The following TNS1 variants were observed in gnomAD, a reference collection of about 807,000 sequenced individuals.
TNS1 encodes the protein tensin 1.
Under a neutral mutation model 168.6 loss-of-function variants are expected in TNS1, and 62 were observed. The ratio of observed to expected loss-of-function variants is 0.37; its 90% CI spans 0.30 to 0.45. The LOEUF (loss-of-function observed/expected upper bound fraction) is 0.45, where lower values mean the gene tolerates loss of function less well. Ranked by LOEUF, TNS1 falls within the 20% of genes least tolerant of loss-of-function variation. The pLI, the probability that TNS1 is intolerant of heterozygous loss-of-function variation, is 1.00. For synonymous variants in TNS1, 934 were observed against 933.2 expected, an observed-to-expected ratio of 1.00 and a Z score of -0.02; for missense variants, 2,240 against 2,339.4, an observed-to-expected ratio of 0.96 and a Z score of 0.88.
Position 217,804,310 on chromosome 2 carries a change from T to G in TNS1, c.*149A>C. 1 of 693,814 alleles carries G rather than the reference T, an allele frequency of 1.4e-6. No homozygotes were observed. Among genetic ancestry groups the G allele is most frequent in the East Asian group, 2.8e-5 (1 of 35,214 alleles). The allele number at this position is 693,814 out of a possible 1,614,324, so 43.0% of individuals were successfully genotyped here. On this transcript the variant is annotated 3_prime_UTR_variant, in exon 33 of 33. Coordinates refer to ENST00000682258, the MANE Select transcript of TNS1 (RefSeq NM_001387777.1). The stretch of plus-strand genomic sequence containing the variant: ...TCTCTTTTCCCCCTCCCCTCTGCAA[T>G]TCACTTCCCTCTCCCCACGTTGCAC...
intron 19 of TNS1, among the ~76,000 whole-genome samples, chr2:217,840,767 G>A (rs948399484): frequency 1.3e-5 from 2 of 152,226 alleles, no homozygotes; most frequent in African/African-American, 4.8e-5. Flanking sequence ...TGGCCGGAGT[G>A]CTGGACTGTC....
At chr2:218,008,355 A>G (rs1451933672) in intron 1 of TNS1, among the ~76,000 whole-genome samples, 1 of 152,170 alleles carries the variant, frequency 6.6e-6, no homozygotes, top group Non-Finnish European at 1.5e-5. Flanking sequence ...GGAAAAGGAG[A>G]GTGGAGTGAA....
intron 16 of TNS1, 22 bp downstream of exon 16, chr2:217,885,013 C>T (rs747446533): frequency 6.2e-7 from 1 of 1,613,916 alleles, no homozygotes; most frequent in Admixed American, 1.7e-5. Context: ...TGCCCACCCC[C>T]AGCTCCACTC....
At position 217,930,346 on chromosome 2, in the gene TNS1, A is replaced by G. The variant is rs201931016; in HGVS notation, c.187-10110T>C. ...ACCACCTTTCCCAGTCGGGGGTCAC[A>G]GAAAGTTTCATGGAGAACATGGCCT... On this transcript the variant is annotated intron_variant, in intron 3 of 32. Transcript: ENST00000682258. 1.4e-4 allele frequency among the ~76,000 whole-genome samples: 22 copies of G among 152,364 alleles called. No individual in the cohort carries two copies. In the East Asian group the frequency reaches 3.1e-3, roughly 21 times the overall value.
At chr2:218,000,389 G>T (rs1399953911) in intron 1 of TNS1, among the ~76,000 whole-genome samples, 1 of 152,148 alleles carries the variant, frequency 6.6e-6, no homozygotes, top group Non-Finnish European at 1.5e-5. Context: ...CAGGAGTAGA[G>T]CCCAAGGAGT....
chr2:217,839,173 C>T (rs1351165838), intron 19 of TNS1, among the ~76,000 whole-genome samples: 5 of 152,266 alleles, frequency 3.3e-5, no homozygotes, highest in Non-Finnish European at 5.9e-5. Context: ...TAGGGCCAGC[C>T]CCTACCCCAG....
At position 217,917,829 on chromosome 2, in the gene TNS1, C is replaced by CAAAAAAAAAAAAAAA. The variant is rs79888115; in HGVS notation, c.228+2351_228+2365dup. On this transcript the variant is annotated intron_variant, in intron 4 of 32. Coordinates refer to ENST00000682258, the MANE Select transcript of TNS1 (RefSeq NM_001387777.1). ...CTGGGCAACACAGTGAGACTGTTCT[C>CAAAAAAAAAAAAAAA]AAAAAAAAAAAAAAAAAAAGACTTG... Among the ~76,000 whole-genome samples the CAAAAAAAAAAAAAAA allele has an allele frequency of 4.3e-4, 33 of 75,958 alleles. 1 individual carries two copies. The highest frequency in any genetic ancestry group is 9.0e-4 in the African/African-American group (20 of 22,250). The allele number at this position is 75,958 out of a possible 152,430, so 49.8% of individuals were successfully genotyped here.
intron 21 of TNS1, 132 bp downstream of exon 21, chr2:217,834,959 G>T: frequency 3.0e-6 from 2 of 663,768 alleles, no homozygotes; most frequent in Non-Finnish European, 2.5e-6. Context: ...TGGGAGTGAG[G>T]AGCAGCACGT....
At chr2:217,879,474 C>T (rs1950494741) in intron 18 of TNS1, 2 of 452,606 alleles carry the variant, frequency 4.4e-6, no homozygotes, top group Non-Finnish European at 8.9e-6. Context: ...TCGGAGGGGC[C>T]TGGTGGGGTG....
chr2:217,813,962 G>T lies in TNS1; in HGVS notation c.4730-146C>A. On this transcript the variant is annotated intron_variant, in intron 25 of 32. Coordinates refer to ENST00000682258, the MANE Select transcript of TNS1 (RefSeq NM_001387777.1). This position sits in a 1 kb window ranked among gnomAD's most constrained non-coding sequence, Gnocchi z 4.0. ...AGTTAAAATTTAACTACTCCTACGG[G>T]TCTTCCTGTACTCAGGTTGGCAAAC... 3.0e-6 allele frequency: 3 copies of T among 993,878 alleles called. No homozygotes were observed. Among genetic ancestry groups the T allele is most frequent in the South Asian group, 2.1e-5 (1 of 47,420 alleles). 61.6% of individuals were successfully genotyped at this position (993,878 alleles called of 1,614,324 possible).
chr2:217,812,192 AT>A (rs1182891263), intron 28 of TNS1, among the ~76,000 whole-genome samples, 175 bp downstream of exon 28: 10 of 152,180 alleles, frequency 6.6e-5, no homozygotes, highest in African/African-American at 2.4e-4. Flanking sequence ...TTTTTCATAA[AT>A]TTTTTCTTCT....
intron 4 of TNS1, 106 bp downstream of exon 4, chr2:217,920,089 C>T: frequency 1.4e-6 from 1 of 697,324 alleles, no homozygotes; most frequent in Non-Finnish European, 2.6e-6. Context: ...ACCTAATTGT[C>T]CGACACCCCA....
chr2:217,886,200 A>C, intron 13 of TNS1, 96 bp from the exon 14 acceptor site: 1 of 1,335,060 alleles, frequency 7.5e-7, no homozygotes, highest in Non-Finnish European at 1.1e-6. Flanking sequence ...AAAGGAAGGA[A>C]GAAATGGGGG....
At chr2:217,899,727 C>G (rs549520572) in intron 7 of TNS1, among the ~76,000 whole-genome samples, 1 of 152,310 alleles carries the variant, frequency 6.6e-6, no homozygotes, top group African/African-American at 2.4e-5. Flanking sequence ...AACAGTGCCA[C>G]CAGCCGGACA....
chr2:217,983,339 G>A (rs991217051), intron 2 of TNS1, among the ~76,000 whole-genome samples: 2 of 152,136 alleles, frequency 1.3e-5, no homozygotes, highest in African/African-American at 2.4e-5. Context: ...ACCCACGTAT[G>A]CACCCTCCTG....
At chr2:217,877,145 G>GCT (rs1950271187) in intron 18 of TNS1, among the ~76,000 whole-genome samples, 1 of 151,832 alleles carries the variant, frequency 6.6e-6, no homozygotes, top group Non-Finnish European at 1.5e-5. Context: ...CCTGGCCCAG[G>GCT]AGCAGGTGAG....
chr2:217,863,966 C>T (rs553186004), intron 18 of TNS1, among the ~76,000 whole-genome samples: 1 of 152,166 alleles, frequency 6.6e-6, no homozygotes, highest in Non-Finnish European at 1.5e-5. Context: ...ACAGGGCCAT[C>T]GGAGCAGGAC....
At chr2:217,872,419 A>T (rs1026306179) in intron 18 of TNS1, among the ~76,000 whole-genome samples, 1 of 152,254 alleles carries the variant, frequency 6.6e-6, no homozygotes, top group African/African-American at 2.4e-5. Context: ...CAGTTTTCTA[A>T]AGAAGATCCA....
chr2:217,955,537 C>G (rs1957341001), intron 3 of TNS1, among the ~76,000 whole-genome samples: 1 of 152,148 alleles, frequency 6.6e-6, no homozygotes, highest in Admixed American at 6.5e-5. Context: ...ACCACCAGTC[C>G]CTCCAAGCTG....
Sources: allele counts gnomAD v4.1 joint callset (sites outside exome capture counted in the v4.1 genomes callset), GRCh38; gene constraint gnomAD v4.1.1; non-coding constraint Gnocchi (gnomAD v3.1); transcripts MANE v1.5; gene names NCBI Gene and HGNC (gene_info 2026-07-23, HGNC 2026-07-21).